LILRA2: variants seen among roughly 807,000 people sequenced by gnomAD.
LILRA2 encodes the protein leukocyte immunoglobulin-like receptor subfamily A member 2.
A neutral mutation model predicts 47.9 loss-of-function variants in LILRA2; 45 were observed. The ratio of observed to expected loss-of-function variants is 0.94; its 90% CI spans 0.74 to 1.20. The LOEUF (loss-of-function observed/expected upper bound fraction) is 1.20. Ranked by LOEUF, LILRA2 falls within the 50% of genes most tolerant of loss-of-function variation. The pLI is 0.00. For synonymous variants in LILRA2, 279 were observed against 249.2 expected (o/e 1.12, Z -1.13); for missense variants, 651 against 598.2 (o/e 1.09, Z -0.92).
chr19:54,584,437 A>G (rs2062736529), intron 6 of LILRA2, among the ~76,000 whole-genome samples: 1 of 152,120 alleles, frequency 6.6e-6, no homozygotes, highest in Admixed American at 6.5e-5. Flanking sequence ...GTCTTTTCAC[A>G]TAGTCCCATA....
In LILRA2 at chr19:54,575,264, A is replaced by G; in HGVS notation, c.664A>G (p.Lys222Glu). 6.2e-7 allele frequency: 1 copy of G among 1,608,744 alleles called. No homozygotes were observed. ...LLELLVPGVS[K>E]KPSLSVQPGP... ...TGAACACCTTTTCCCAGGTGTTTCT[A>G]AGAAGCCATCACTCTCAGTGCAGCC... The change falls in exon 5 of 8, where the codon AAG (lysine) becomes GAG (glutamate). Residue 222 changes from lysine to glutamate, a missense_variant. By Grantham distance (56) the Lys-to-Glu change is moderately conservative. Transcript: ENST00000391738.
chr19:54,586,743 A>G (rs2062821751), intron 6 of LILRA2, among the ~76,000 whole-genome samples: 3 of 152,128 alleles, frequency 2.0e-5, no homozygotes, highest in South Asian at 2.1e-4. Flanking sequence ...TTATTTCTGT[A>G]TTGGGGACCA....
At chr19:54,586,068 G>A (rs2555691) in intron 6 of LILRA2, among the ~76,000 whole-genome samples, 5,331 of 151,856 alleles carry the variant, frequency 0.035, 119 homozygotes, top group South Asian at 0.057. Flanking sequence ...ATAATACATG[G>A]AAATTTTATT....
In LILRA2 at chr19:54,587,558, G is replaced by C; in HGVS notation, c.*212G>C. ...AACTGTGGTACATTTTTTTGTCTAT[G>C]AATGTTGACTTCCCTTGACTGGATC... On this transcript the variant is annotated 3_prime_UTR_variant, in exon 8 of 8. Transcript: ENST00000391738. 1.2e-6 allele frequency: 1 copy of C among 857,038 alleles called. No homozygotes were observed. Among genetic ancestry groups the C allele is most frequent in the South Asian group, 1.9e-5 (1 of 52,518 alleles). The allele number at this position is 857,038 out of a possible 1,614,324, so 53.1% of individuals were successfully genotyped here. A position where few individuals can be genotyped will look rare whatever the true frequency, so the allele number is the denominator to read the frequency against.
Position 54,583,220 on chromosome 19 carries a change from G to A in LILRA2, c.1256-3790G>A, listed in dbSNP as rs79658555. Among the ~76,000 whole-genome samples the A allele has an allele frequency of 9.3e-3, 1,422 of 152,306 alleles. 22 individuals carry two copies. Among genetic ancestry groups the A allele is most frequent in the African/African-American group, 0.033 (1,353 of 41,546 alleles). ...AATTATGTGGTCAATTTTGGAATAA[G>A]TGCAAAGTGATGCTGAGAAGAATGT... On this transcript the variant is annotated intron_variant, in intron 6 of 7. Coordinates refer to ENST00000391738, the MANE Select transcript of LILRA2 (RefSeq NM_001130917.3).
At chr19:54,583,808 G>A (rs551211853) in intron 6 of LILRA2, among the ~76,000 whole-genome samples, 33 of 152,276 alleles carry the variant, frequency 2.2e-4, no homozygotes, top group Non-Finnish European at 3.4e-4. Context: ...GTTTGATCAT[G>A]TCATTATGAT....
intron 6 of LILRA2, among the ~76,000 whole-genome samples, chr19:54,580,006 T>G (rs1456453020): frequency 6.6e-6 from 1 of 152,184 alleles, no homozygotes; most frequent in Non-Finnish European, 1.5e-5. Flanking sequence ...AAGGAGATTT[T>G]GGGCTGAGTC....
At chr19:54,577,506 C>T (rs1197656925) in intron 6 of LILRA2, 8 of 1,289,526 alleles carry the variant, frequency 6.2e-6, no homozygotes, top group African/African-American at 4.6e-5. Context: ...TGCGGGGTCC[C>T]TGGGCCATCT....
rs111997702 is a variant in LILRA2, at chr19:54,573,837, G to A, written c.-42G>A. On this transcript the variant is annotated 5_prime_UTR_variant, in exon 1 of 8. Coordinates refer to ENST00000391738, the MANE Select transcript of LILRA2 (RefSeq NM_001130917.3). The stretch of plus-strand genomic sequence containing the variant: ...CGTCTCTCTGTCCTGCCAGCACTGA[G>A]GGCTCATCCATCCGCAGAGCAGGGC... 74,564 of 1,613,876 alleles carry A rather than the reference G, an allele frequency of 0.046. 1,530 individuals are homozygous for A. The highest frequency in any genetic ancestry group is 0.058 in the South Asian group (5,259 of 91,058).
Position 54,589,042 on chromosome 19 carries a change from A to T in LILRA2, c.*1696A>T, listed in dbSNP as rs1000960384. ...CCTTGGCTTGGGGCAGCATCCCACCAGTTTCTGCCTCCATCTTCTCAATGC... is the reference window on the plus strand; with the variant it reads ...CCTTGGCTTGGGGCAGCATCCCACCTGTTTCTGCCTCCATCTTCTCAATGC... On this transcript the variant is annotated 3_prime_UTR_variant, in exon 8 of 8. Coordinates refer to ENST00000391738, the MANE Select transcript of LILRA2 (RefSeq NM_001130917.3). The T allele has an allele frequency of 6.6e-6, 1 of 151,912 alleles. No individual in the cohort carries two copies. 9.4% of individuals were successfully genotyped at this position (151,912 alleles called of 1,614,324 possible). A position where few individuals can be genotyped will look rare whatever the true frequency, so the allele number is the denominator to read the frequency against.
chr19:54,585,271 G>A (rs916994586), intron 6 of LILRA2, among the ~76,000 whole-genome samples: 1 of 152,190 alleles, frequency 6.6e-6, no homozygotes, highest in African/African-American at 2.4e-5. Flanking sequence ...TCTGTCCGTT[G>A]TTGGAGCTCT....
In LILRA2 at chr19:54,589,171, A is replaced by G. The variant is rs907654382; in HGVS notation, c.*1825A>G. 1 of 152,138 alleles carries G rather than the reference A, an allele frequency of 6.6e-6. No individual in the cohort carries two copies. The highest frequency in any genetic ancestry group is 2.4e-5 in the African/African-American group (1 of 41,424). The allele number at this position is 152,138 out of a possible 1,614,324, so 9.4% of individuals were successfully genotyped here. The stretch of plus-strand genomic sequence containing the variant: ...CTCAGATCAGATTAGGACTCATCCT[A>G]ATTCGTTATGATCCCTTGATCATAA... On this transcript the variant is annotated 3_prime_UTR_variant, in exon 8 of 8. Coordinates refer to ENST00000391738, the MANE Select transcript of LILRA2 (RefSeq NM_001130917.3).
At chr19:54,578,056 T>G (rs1175375998) in intron 6 of LILRA2, among the ~76,000 whole-genome samples, 1 of 151,828 alleles carries the variant, frequency 6.6e-6, no homozygotes, top group East Asian at 1.9e-4. Context: ...TATTGTATGC[T>G]CATTTTAACT....
chr19:54,574,996 G>A lies in LILRA2; in HGVS notation c.618G>A (p.Trp206Ter), dbSNP rs201934047. 59 of 1,614,236 alleles carry A rather than the reference G, an allele frequency of 3.7e-5. No homozygotes were observed. The East Asian group carries it at 1.2e-3, about 33-fold the overall frequency. The change falls in exon 4 of 8, where the codon TGG becomes TGA. Residue 206 changes from tryptophan to a stop codon, truncating the protein, a stop_gained. Coordinates refer to ENST00000391738, the MANE Select transcript of LILRA2 (RefSeq NM_001130917.3). LOFTEE classifies it high-confidence loss of function. ...YAYDSNSPYV[W>*]SLPSDLLELL... ...ATGACTCGAACTCTCCCTATGTGTG[G>A]TCTCTACCCAGTGATCTCCTGGAGC...
chr19:54,581,503 A>G lies in LILRA2; in HGVS notation c.1255+5394A>G, dbSNP rs541885766. 5.3e-4 allele frequency among the ~76,000 whole-genome samples: 70 copies of G among 131,948 alleles called. 1 individual carries two copies. The highest frequency in any genetic ancestry group is 2.1e-3 in the African/African-American group (68 of 32,242). The allele number at this position is 131,948 out of a possible 152,430, so 86.6% of individuals were successfully genotyped here. A position where few individuals can be genotyped will look rare whatever the true frequency, so the allele number is the denominator to read the frequency against. On this transcript the variant is annotated intron_variant, in intron 6 of 7. Coordinates refer to ENST00000391738, the MANE Select transcript of LILRA2 (RefSeq NM_001130917.3). ...GTTTTTCTCAGGTTTGTCAAAGATC[A>G]GATAGTTGTAGATATGCGGCATTAT...
intron 1 of LILRA2, 21 bp downstream of exon 1, chr19:54,573,933 G>C (rs7255803): frequency 4.3e-6 from 7 of 1,613,188 alleles, no homozygotes; most frequent in Non-Finnish European, 5.9e-6. Context: ...AAGAGGGAGG[G>C]GAGCTTCTAA....
rs1304239464 is a variant in LILRA2, at chr19:54,577,894, T to A, written c.1255+1785T>A. ...GCATATATTATTTAAAAATCCTTAT[T>A]TATACTCCCCTTTAATTGAGTCTTG... On this transcript the variant is annotated intron_variant, in intron 6 of 7. Transcript: ENST00000391738. Among the ~76,000 whole-genome samples, 187 of 151,532 alleles carry A rather than the reference T, an allele frequency of 1.2e-3. No homozygotes were observed. In the South Asian group the frequency reaches 0.027, roughly 21 times the overall value.
chr19:54,575,534 C>G lies in LILRA2; in HGVS notation c.934C>G (p.Leu312Val). The G allele has an allele frequency of 6.2e-7, 1 of 1,612,346 alleles. No homozygotes were observed. The highest frequency in any genetic ancestry group is 8.5e-7 in the Non-Finnish European group (1 of 1,179,892). ...CGAGTGGTCGGCCCCCAGTGACCCC[C>G]TGGACATCCTGATCACAGGTGAGGA... ...SSEWSAPSDP[L>V]DILITGQFYD... Residue 312 changes from leucine to valine, a missense_variant, in exon 5 of 8, where the codon CTG becomes GTG. Coordinates refer to ENST00000391738, the MANE Select transcript of LILRA2 (RefSeq NM_001130917.3).
chr19:54,578,336 T>G (rs2062539487), intron 6 of LILRA2, among the ~76,000 whole-genome samples: 1 of 151,972 alleles, frequency 6.6e-6, no homozygotes, highest in Non-Finnish European at 1.5e-5. Context: ...TGTCCATGTG[T>G]TCTCATTGTT....
Sources: allele counts gnomAD v4.1 joint callset (sites outside exome capture counted in the v4.1 genomes callset), GRCh38; gene constraint gnomAD v4.1.1; transcripts MANE v1.5; gene names NCBI Gene and HGNC (gene_info 2026-07-23, HGNC 2026-07-21).